CLIC5: variants seen among roughly 807,000 people sequenced by gnomAD.
CLIC5 encodes the protein CLIC family member 5.
Under a neutral mutation model 24.7 loss-of-function variants are expected in CLIC5, and 20 were observed. That is an observed-to-expected ratio of 0.81 (90% CI 0.57 to 1.18). CLIC5 has a LOEUF of 1.18. Ranked by LOEUF, CLIC5 falls within the 50% of genes most tolerant of loss-of-function variation. The probability of loss-of-function intolerance (pLI) is 0.00; values close to 1 mark genes in which losing one functional copy is unlikely to be tolerated. For synonymous variants in CLIC5, 159 were observed against 135.6 expected, an observed-to-expected ratio of 1.17 and a Z score of -1.20; for missense variants, 341 against 326.1, an observed-to-expected ratio of 1.05 and a Z score of -0.35.
chr6:46,074,098 T>G (rs1158452572), intron 1 of CLIC5, among the ~76,000 whole-genome samples: 1 of 152,176 alleles, frequency 6.6e-6, no homozygotes, highest in Non-Finnish European at 1.5e-5. Flanking sequence ...TTTTTTAAAA[T>G]TGCATATCCC....
chr6:46,058,226 CA>C (rs1768315559), intron 1 of CLIC5, among the ~76,000 whole-genome samples: 2 of 152,108 alleles, frequency 1.3e-5, no homozygotes, highest in Non-Finnish European at 2.9e-5. Context: ...CAGAGAGATA[CA>C]AAGTTGAAAT....
intron 5 of CLIC5, among the ~76,000 whole-genome samples, chr6:45,910,717 T>C (rs1284257948): frequency 6.6e-6 from 1 of 152,190 alleles, no homozygotes; most frequent in Admixed American, 6.5e-5. Flanking sequence ...TCTCCAAACC[T>C]ACTCTTCTAT....
rs117008946 is a variant in CLIC5, at chr6:46,006,640, G to A, written c.63+8840C>T. On this transcript the variant is annotated intron_variant, in intron 1 of 5. Transcript: ENST00000339561. ...TTGATCACCTTGGCTAACTCCTCAC[G>A]TGCCTCATTCCTCCCTCTCAAATGA... Among the ~76,000 whole-genome samples the A allele has an allele frequency of 2.5e-3, 382 of 150,308 alleles. 7 individuals are homozygous for A. In the East Asian group the frequency reaches 0.034, roughly 13 times the overall value.
At chr6:45,984,319 C>T (rs1262042896) in intron 1 of CLIC5, among the ~76,000 whole-genome samples, 4 of 152,250 alleles carry the variant, frequency 2.6e-5, no homozygotes, top group South Asian at 4.1e-4. Context: ...TCTTCAGGTC[C>T]GCAATGCCAG....
In CLIC5 at chr6:45,943,376, CAT is replaced by C. The variant is rs1323662784; in HGVS notation, c.300-1725_300-1724del. 3.3e-5 allele frequency among the ~76,000 whole-genome samples: 5 copies of C among 152,386 alleles called. No homozygotes were observed. In the South Asian group the frequency reaches 8.3e-4, roughly 25 times the overall value. ...GTGCTTTGCACCGATGCTCCACACA[CAT>C]GTCTTCCTGGGTATACTGAGAATCA... On this transcript the variant is annotated intron_variant, in intron 3 of 5. Transcript: ENST00000339561.
At chr6:45,985,160 C>T (rs1014172285) in intron 1 of CLIC5, among the ~76,000 whole-genome samples, 1 of 152,148 alleles carries the variant, frequency 6.6e-6, no homozygotes, top group South Asian at 2.1e-4. Flanking sequence ...AGAGGGAAAC[C>T]TGTGGGAGAG....
chr6:45,916,301 A>G (rs1763030259), intron 4 of CLIC5, among the ~76,000 whole-genome samples: 1 of 152,168 alleles, frequency 6.6e-6, no homozygotes, highest in South Asian at 2.1e-4. Context: ...AAAATGCAGT[A>G]TATTCCTTAA....
At chr6:46,078,856 G>C (rs909504648) in intron 1 of CLIC5, among the ~76,000 whole-genome samples, 2 of 152,168 alleles carry the variant, frequency 1.3e-5, no homozygotes, top group East Asian at 3.8e-4. Flanking sequence ...ACTGGGAACT[G>C]GGGAAGAGAG....
the CLIC5 span, among the ~76,000 whole-genome samples, chr6:46,103,001 C>A: frequency 1.3e-5 from 2 of 152,060 alleles, no homozygotes; most frequent in Admixed American, 1.3e-4. Flanking sequence ...AAAATTTCTT[C>A]TTTGATTAAT....
chr6:45,983,865 C>A (rs1367238365), intron 1 of CLIC5, among the ~76,000 whole-genome samples: 1 of 152,146 alleles, frequency 6.6e-6, no homozygotes, highest in African/African-American at 2.4e-5. Context: ...CTTTTTATCA[C>A]CTGAAATTAC....
At chr6:46,096,640 A>G in the CLIC5 span, among the ~76,000 whole-genome samples, 43 of 152,154 alleles carry the variant, frequency 2.8e-4, 1 homozygote, top group Admixed American at 7.2e-4. Context: ...GATGCAAGAG[A>G]GCATACTCCT....
intron 4 of CLIC5, among the ~76,000 whole-genome samples, chr6:45,927,774 G>A (rs1462136973): frequency 6.6e-6 from 1 of 152,094 alleles, no homozygotes; most frequent in Admixed American, 6.5e-5. Flanking sequence ...TGTGAAACTA[G>A]AATTCAAAGC....
intron 1 of CLIC5, among the ~76,000 whole-genome samples, chr6:46,049,283 A>C (rs1768039695): frequency 6.6e-6 from 1 of 152,154 alleles, no homozygotes. Flanking sequence ...ACCTACCTCC[A>C]AGCATAACAT....
chr6:46,082,234 C>T (rs1762939257), upstream of CLIC5, among the ~76,000 whole-genome samples: 1 of 152,162 alleles, frequency 6.6e-6, no homozygotes, highest in Admixed American at 6.5e-5. Context: ...CAAGTCCTCA[C>T]CACAATGACC....
chr6:45,954,049 G>A (rs1377209568), intron 2 of CLIC5, among the ~76,000 whole-genome samples: 1 of 152,070 alleles, frequency 6.6e-6, no homozygotes, highest in African/African-American at 2.4e-5. Flanking sequence ...GTCGAGGTGG[G>A]TGGATCACAA....
At chr6:46,021,800 C>T (rs147664305) in intron 1 of CLIC5, among the ~76,000 whole-genome samples, 106 of 152,294 alleles carry the variant, frequency 7.0e-4, no homozygotes, top group African/African-American at 2.4e-3. Flanking sequence ...GGCTTGATTA[C>T]AAAGGGGCAG....
In CLIC5 at chr6:45,927,684, G is replaced by A. The variant is rs183163262; in HGVS notation, c.407-13275C>T. Among the ~76,000 whole-genome samples the A allele has an allele frequency of 6.6e-5, 10 of 152,194 alleles. No individual in the cohort carries two copies. In the East Asian group the frequency reaches 1.5e-3, roughly 24 times the overall value. ...ATCTGCCATTCATTTGCTATCCCCC[G>A]AAGTTGCTGCCCCTAGAGACTCAAA... is the stretch of plus-strand genomic sequence containing the variant. On this transcript the variant is annotated intron_variant, in intron 4 of 5. Coordinates refer to ENST00000339561, the MANE Select transcript of CLIC5 (RefSeq NM_016929.5).
In CLIC5 at chr6:46,058,684, T is replaced by C. The variant is rs140303503; in HGVS notation, c.540+21019A>G. Among the ~76,000 whole-genome samples the C allele has an allele frequency of 3.3e-3, 495 of 152,300 alleles. 10 individuals carry two copies. Among genetic ancestry groups the C allele is most frequent in the Non-Finnish European group, 1.1e-3 (77 of 68,012 alleles). On this transcript the variant is annotated intron_variant, in intron 1 of 5. Coordinates refer to the CLIC5 transcript ENST00000185206. The stretch of plus-strand genomic sequence containing the variant: ...AGGTGAACTTGTGTTCTTTGACAGA[T>C]ACTGCAGAGGGACTCACTACAACCT...
chr6:46,076,611 C>G (rs1321779092), intron 1 of CLIC5, among the ~76,000 whole-genome samples: 3 of 152,186 alleles, frequency 2.0e-5, no homozygotes, highest in African/African-American at 7.2e-5. Flanking sequence ...GAAAACAGCT[C>G]TGCTGACACC....
Sources: allele counts gnomAD v4.1 joint callset (sites outside exome capture counted in the v4.1 genomes callset), GRCh38; gene constraint gnomAD v4.1.1; transcripts MANE v1.5; gene names NCBI Gene and HGNC (gene_info 2026-07-23, HGNC 2026-07-21).